SLC38A8: variants seen among roughly 807,000 people sequenced by gnomAD.
SLC38A8 encodes amino acid transporter SLC38A8.
Under a neutral mutation model 46.0 loss-of-function variants are expected in SLC38A8, and 65 were observed. That is an observed-to-expected ratio of 1.41 (90% CI 1.16 to 1.74). The LOEUF is 1.74. SLC38A8 is among the 40% of genes most tolerant of loss of function. The probability of loss-of-function intolerance (pLI) is 0.00; values close to 1 mark genes in which losing one functional copy is unlikely to be tolerated. For missense variants in SLC38A8, 998 were observed against 567.9 expected (o/e 1.76, Z -7.70); for synonymous variants, 447 against 243.7 (o/e 1.83, Z -7.77).
intron 7 of SLC38A8, among the ~76,000 whole-genome samples, chr16:84,021,328 G>C (rs1416651190): frequency 6.6e-6 from 1 of 152,162 alleles, no homozygotes; most frequent in South Asian, 2.1e-4. Flanking sequence ...GCCTCCCAAA[G>C]TGCTGCGATG....
At chr16:84,016,465 G>C in intron 9 of SLC38A8, 54 bp downstream of exon 9, 3 of 1,582,312 alleles carry the variant, frequency 1.9e-6, no homozygotes, top group Non-Finnish European at 2.6e-6. Flanking sequence ...AGTCCCCACA[G>C]AGATGAGCAG....
intron 7 of SLC38A8, among the ~76,000 whole-genome samples, chr16:84,021,353 C>A (rs141606430): frequency 1.3e-5 from 2 of 152,326 alleles, no homozygotes; most frequent in East Asian, 1.9e-4. Context: ...GAGTGAGCCA[C>A]GGCACCCGGC....
chr16:84,016,396 G>T, intron 9 of SLC38A8, 123 bp downstream of exon 9: 1 of 1,114,646 alleles, frequency 9.0e-7, no homozygotes. Context: ...CCTACATGGG[G>T]TCTTAATCCT....
At chr16:84,027,536 G>A (rs146459594) in intron 6 of SLC38A8, among the ~76,000 whole-genome samples, 359 of 152,282 alleles carry the variant, frequency 2.4e-3, no homozygotes, top group Middle Eastern at 0.02. Flanking sequence ...GTTTGAGTCA[G>A]GTCAGAGTTC....
intron 8 of SLC38A8, 112 bp downstream of exon 8, chr16:84,017,028 T>A: frequency 7.1e-7 from 1 of 1,407,942 alleles, no homozygotes; most frequent in South Asian, 1.4e-5. Context: ...CTGTCTACAA[T>A]TGGAGAGGAT....
chr16:84,038,352 G>T (rs148972087), intron 2 of SLC38A8, among the ~76,000 whole-genome samples: 1 of 151,180 alleles, frequency 6.6e-6, no homozygotes, highest in Non-Finnish European at 1.5e-5. Context: ...TTGCAAGAAC[G>T]TTACAGTGAA....
At position 84,009,891 on chromosome 16, in the gene SLC38A8, A is replaced by G. The variant is rs749818547; in HGVS notation, c.1215-14T>C. The G allele has an allele frequency of 1.9e-6, 3 of 1,610,966 alleles. No homozygotes were observed. The highest frequency in any genetic ancestry group is 2.5e-6 in the Non-Finnish European group (3 of 1,178,756). On this transcript the variant is annotated splice_polypyrimidine_tract_variant and intron_variant, in intron 10 of 10. Coordinates refer to ENST00000299709, the MANE Select transcript of SLC38A8 (RefSeq NM_001080442.3). ...TCCAGGCAGCACCTGCCAAGTGAAT[A>G]AACCCATGTCAGAGCTTTTCTGGAT...
At chr16:84,019,260 G>A (rs190964671) in intron 7 of SLC38A8, among the ~76,000 whole-genome samples, 1 of 151,900 alleles carries the variant, frequency 6.6e-6, no homozygotes, top group African/African-American at 2.4e-5. Flanking sequence ...GTTTTTAGTA[G>A]AAACGGGGTT....
intron 7 of SLC38A8, among the ~76,000 whole-genome samples, 169 bp from the exon 8 acceptor site, chr16:84,017,456 G>A (rs1419696130): frequency 1.3e-5 from 2 of 152,180 alleles, no homozygotes; most frequent in African/African-American, 4.8e-5. Flanking sequence ...GCCTACACAT[G>A]ACTGTGCTCC....
chr16:84,038,132 G>A (rs1036494457), intron 2 of SLC38A8, among the ~76,000 whole-genome samples: 11 of 152,000 alleles, frequency 7.2e-5, no homozygotes, highest in East Asian at 3.9e-4. Flanking sequence ...CCAACATGAT[G>A]AAACCCCATC....
At chr16:84,031,772 G>T (rs1257911742) in intron 5 of SLC38A8, 95 bp downstream of exon 5, 2 of 1,055,630 alleles carry the variant, frequency 1.9e-6, no homozygotes, top group Non-Finnish European at 2.9e-6. Context: ...GCTCTGCAGT[G>T]AGCCACGAGA....
rs539160050 is a variant in SLC38A8, at chr16:84,036,207, G to C, written c.388+495C>G. Among the ~76,000 whole-genome samples the C allele has an allele frequency of 2.0e-5, 3 of 152,336 alleles. No homozygotes were observed. In the East Asian group the frequency reaches 5.8e-4, roughly 29 times the overall value. On this transcript the variant is annotated intron_variant, in intron 3 of 10. Coordinates refer to ENST00000299709, the MANE Select transcript of SLC38A8 (RefSeq NM_001080442.3). ...CAAGTCAAAGAAACCACAGTGAAAA[G>C]GAGCAAATATTTTAAATTTTCCATT...
At chr16:84,024,022 C>T (rs1399977244) in intron 6 of SLC38A8, among the ~76,000 whole-genome samples, 2 of 152,214 alleles carry the variant, frequency 1.3e-5, no homozygotes, top group Admixed American at 6.5e-5. Flanking sequence ...TGGGTTAACT[C>T]TTGGCAGCCG....
intron 6 of SLC38A8, among the ~76,000 whole-genome samples, chr16:84,027,182 T>C (rs2085173994): frequency 1.3e-5 from 2 of 152,034 alleles, no homozygotes; most frequent in South Asian, 2.1e-4. Context: ...AAACCTCGTC[T>C]CTACTAAAAA....
chr16:84,019,287 G>A (rs1462272886), intron 7 of SLC38A8, among the ~76,000 whole-genome samples: 1 of 151,980 alleles, frequency 6.6e-6, no homozygotes, highest in East Asian at 1.9e-4. Context: ...TGTTAGCCAG[G>A]ATGCTCTCGA....
chr16:84,033,796 C>T (rs898021622), intron 3 of SLC38A8, among the ~76,000 whole-genome samples: 12 of 152,280 alleles, frequency 7.9e-5, no homozygotes, highest in Admixed American at 4.6e-4. Context: ...TGGTTTCGTT[C>T]GGGAACTCAA....
At chr16:84,019,921 G>A (rs2085075666) in intron 7 of SLC38A8, among the ~76,000 whole-genome samples, 1 of 152,254 alleles carries the variant, frequency 6.6e-6, no homozygotes, top group Admixed American at 6.5e-5. Context: ...TGGACACACT[G>A]AGGCAACCCC....
In SLC38A8 at chr16:84,010,959, G is replaced by A. The variant is rs150317208; in HGVS notation, c.1215-1082C>T. Among the ~76,000 whole-genome samples, 18 of 152,208 alleles carry A rather than the reference G, an allele frequency of 1.2e-4. 1 individual carries two copies. In the East Asian group the frequency reaches 3.3e-3, roughly 28 times the overall value. Reference sequence around the variant, plus strand: ...CACCGAGGCCACATTTGTGAGCTTCGTCATGTAACCAGAGATGGGGTAGAC... The same window carrying A: ...CACCGAGGCCACATTTGTGAGCTTCATCATGTAACCAGAGATGGGGTAGAC... On this transcript the variant is annotated intron_variant, in intron 10 of 10. Transcript: ENST00000299709.
At chr16:84,010,414 TA>T (rs564970520) in intron 10 of SLC38A8, among the ~76,000 whole-genome samples, 42 of 152,124 alleles carry the variant, frequency 2.8e-4, no homozygotes, top group African/African-American at 8.7e-4. Context: ...TGTTATGTCA[TA>T]AGCTCATTCC....
Sources: allele counts gnomAD v4.1 joint callset (sites outside exome capture counted in the v4.1 genomes callset), GRCh38; gene constraint gnomAD v4.1.1; transcripts MANE v1.5; gene names NCBI Gene and HGNC (gene_info 2026-07-23, HGNC 2026-07-21).